FGF12: variants seen among roughly 807,000 people sequenced by gnomAD.
The protein encoded by FGF12 is fibroblast growth factor 12, also known as fibroblast growth factor 12B.
In FGF12, 14 loss-of-function variants were observed where a neutral mutation model predicts 23.6. The observed-to-expected ratio is 0.59, with a 90% confidence interval of 0.39 to 0.93. The LOEUF is 0.93. Ranked by LOEUF, FGF12 falls within the 40% of genes least tolerant of loss-of-function variation. The probability of loss-of-function intolerance (pLI) is 0.00; values close to 1 mark genes in which losing one functional copy is unlikely to be tolerated. For missense variants in FGF12, 175 were observed against 217.8 expected (o/e 0.80, Z 1.24); for synonymous variants, 62 against 77.3 (o/e 0.80, Z 1.04).
At chr3:192,173,784 T>C (rs2108623807) in intron 4 of FGF12, among the ~76,000 whole-genome samples, 1 of 152,336 alleles carries the variant, frequency 6.6e-6, no homozygotes, top group Non-Finnish European at 1.5e-5. Flanking sequence ...TCCTGTTTTG[T>C]GTAAGTACAT....
intron 2 of FGF12, among the ~76,000 whole-genome samples, chr3:192,708,739 C>T (rs1303649535): frequency 6.6e-6 from 1 of 152,150 alleles, no homozygotes; most frequent in Non-Finnish European, 1.5e-5. Context: ...GAAAGAAGGA[C>T]TTCTTACCAG....
intron 2 of FGF12, among the ~76,000 whole-genome samples, chr3:192,422,041 T>TTA (rs1721547399): frequency 6.6e-6 from 1 of 151,316 alleles, no homozygotes; most frequent in Admixed American, 6.6e-5. Flanking sequence ...TAGTTTATTT[T>TTA]TTTTTGGCTT....
intron 4 of FGF12, among the ~76,000 whole-genome samples, chr3:192,205,171 T>C (rs1327437497): frequency 6.6e-6 from 1 of 152,174 alleles, no homozygotes; most frequent in Non-Finnish European, 1.5e-5. Context: ...GAAAATCTCT[T>C]AGTGTAATAG....
intron 2 of FGF12, among the ~76,000 whole-genome samples, chr3:192,659,222 T>G (rs1716561159): frequency 6.6e-6 from 1 of 152,302 alleles, no homozygotes; most frequent in East Asian, 1.9e-4. Context: ...AATAAAGTGT[T>G]GATACATCTT....
chr3:192,596,122 T>TATAATATAATATAAC (rs1553836848), intron 2 of FGF12, among the ~76,000 whole-genome samples: 6 of 147,180 alleles, frequency 4.1e-5, no homozygotes, highest in Non-Finnish European at 7.5e-5. Context: ...TATAATATAA[T>TATAATATAATATAAC]ATAATATAAT....
chr3:192,320,052 G>A (rs1467213772), intron 4 of FGF12, among the ~76,000 whole-genome samples: 1 of 152,088 alleles, frequency 6.6e-6, no homozygotes, highest in Non-Finnish European at 1.5e-5. Flanking sequence ...AAAAGACGTA[G>A]AGTGCCTGCA....
At chr3:192,418,646 A>G (rs1028660244) in intron 2 of FGF12, among the ~76,000 whole-genome samples, 1 of 152,100 alleles carries the variant, frequency 6.6e-6, no homozygotes, top group African/African-American at 2.4e-5. Context: ...TCATGGGGGC[A>G]GACTTCCCTC....
chr3:192,182,563 C>T (rs560596571), intron 4 of FGF12, among the ~76,000 whole-genome samples: 7 of 152,238 alleles, frequency 4.6e-5, no homozygotes, highest in African/African-American at 1.7e-4. Flanking sequence ...TCTAAATGGA[C>T]TCGTTGAGTA....
chr3:192,536,468 A>G (rs1725224514), intron 2 of FGF12, among the ~76,000 whole-genome samples: 1 of 152,200 alleles, frequency 6.6e-6, no homozygotes, highest in Non-Finnish European at 1.5e-5. Flanking sequence ...TGTGAAGACA[A>G]ATAACACCAG....
intron 4 of FGF12, among the ~76,000 whole-genome samples, chr3:192,309,021 T>C (rs1715800712): frequency 6.6e-6 from 1 of 152,174 alleles, no homozygotes; most frequent in Non-Finnish European, 1.5e-5. Context: ...TCTACAGAAA[T>C]ATTACTTGCT....
intron 2 of FGF12, among the ~76,000 whole-genome samples, chr3:192,463,089 C>A (rs73070205): frequency 0.036 from 5,482 of 152,132 alleles, 339 homozygotes; most frequent in African/African-American, 0.12. Flanking sequence ...AGGAACAGAC[C>A]AAGCTGTTCA....
intron 2 of FGF12, among the ~76,000 whole-genome samples, chr3:192,616,224 G>A (rs554187368): frequency 2.6e-5 from 4 of 151,998 alleles, no homozygotes; most frequent in Admixed American, 6.6e-5. Flanking sequence ...CACAGCCTCA[G>A]AGAAGTTTCA....
intron 4 of FGF12, among the ~76,000 whole-genome samples, chr3:192,191,915 G>A (rs1230027003): frequency 6.6e-6 from 1 of 151,942 alleles, no homozygotes; most frequent in African/African-American, 2.4e-5. Flanking sequence ...ACACAGAGTA[G>A]GGGAAAGGTT....
chr3:192,221,763 A>G (rs1375388356), intron 4 of FGF12, among the ~76,000 whole-genome samples: 5 of 152,196 alleles, frequency 3.3e-5, no homozygotes, highest in Non-Finnish European at 7.3e-5. Context: ...TATAAAATAT[A>G]GAAGAAAATA....
At chr3:192,577,145 G>A (rs775801500) in intron 2 of FGF12, among the ~76,000 whole-genome samples, 1 of 152,114 alleles carries the variant, frequency 6.6e-6, no homozygotes, top group African/African-American at 2.4e-5. Flanking sequence ...AATGGCACGT[G>A]TATACCTATG....
At chr3:192,168,503 T>A (rs771597121) in intron 5 of FGF12, among the ~76,000 whole-genome samples, 1 of 152,208 alleles carries the variant, frequency 6.6e-6, no homozygotes, top group Non-Finnish European at 1.5e-5. Flanking sequence ...TCTTACTTTT[T>A]GGGAAAATAA....
chr3:192,528,207 A>G (rs1394951060), intron 2 of FGF12, among the ~76,000 whole-genome samples: 1 of 152,176 alleles, frequency 6.6e-6, no homozygotes, highest in Non-Finnish European at 1.5e-5. Flanking sequence ...GTAAAATAAA[A>G]CCAAGTTTGT....
chr3:192,292,893 C>T (rs1276055995), intron 4 of FGF12, among the ~76,000 whole-genome samples: 1 of 152,176 alleles, frequency 6.6e-6, no homozygotes, highest in African/African-American at 2.4e-5. Context: ...CCTCCCACTT[C>T]AGCCTCCTGA....
chr3:192,560,112 A>G (rs1210388281), intron 2 of FGF12, among the ~76,000 whole-genome samples: 1 of 152,060 alleles, frequency 6.6e-6, no homozygotes, highest in African/African-American at 2.4e-5. Flanking sequence ...TTGAAACGAA[A>G]CAGCACATTT....
Sources: gnomAD v4.1 joint callset for allele counts (sites outside exome capture counted in the v4.1 genomes callset) on GRCh38, gnomAD v4.1.1 for gene constraint, MANE v1.5 for transcripts, NCBI Gene and HGNC (gene_info 2026-07-23, HGNC 2026-07-21) for gene names.